The following ACSF2 variants were observed in gnomAD, a reference collection of about 807,000 sequenced individuals.
ACSF2 encodes acyl-CoA synthetase family member 2, also known as medium-chain acyl-CoA ligase ACSF2, mitochondrial.
ACSF2 carries 52 observed loss-of-function variants against 79.3 expected under a neutral mutation model. The ratio of observed to expected loss-of-function variants is 0.66; its 90% CI spans 0.53 to 0.83. ACSF2 has a LOEUF of 0.83. ACSF2 is among the 40% of genes least tolerant of loss of function. The pLI is 0.00. For synonymous variants in ACSF2, 283 were observed against 312.6 expected, an observed-to-expected ratio of 0.91 and a Z score of 1.00; for missense variants, 661 against 803.3, an observed-to-expected ratio of 0.82 and a Z score of 2.14.
chr17:50,468,305 G>C (rs767896249), intron 10 of ACSF2: 1 of 1,613,950 alleles, frequency 6.2e-7, no homozygotes, highest in South Asian at 1.1e-5. Flanking sequence ...CAGGTCCTTG[G>C]CTCCCTGGAA....
At chr17:50,452,519 G>A (rs1478829457) in intron 1 of ACSF2, among the ~76,000 whole-genome samples, 1 of 151,916 alleles carries the variant, frequency 6.6e-6, no homozygotes, top group Non-Finnish European at 1.5e-5. Flanking sequence ...TCGGGTCGAG[G>A]GGTGGGGCCG....
chr17:50,473,958 GGGA>G lies in ACSF2; in HGVS notation c.1687_1689del (p.Glu563del). On this transcript the variant is annotated inframe_deletion, in exon 14 of 16. Coordinates refer to ENST00000300441, the MANE Select transcript of ACSF2 (RefSeq NM_025149.6). ...TGTGCCTGCATTCGGCTGAAGGACG[GGGA>G]GGAGACCACGGTGGAGGAGATAAAA... 6.5e-7 allele frequency: 1 copy of G among 1,550,182 alleles called. No homozygotes were observed. The highest frequency in any genetic ancestry group is 8.7e-7 in the Non-Finnish European group (1 of 1,147,266).
In ACSF2 at chr17:50,465,590, G is replaced by A. The variant is rs1044555437; in HGVS notation, c.1215+1296G>A. Reference sequence around the variant, plus strand: ...AAATGGGGAAACTGAGGCTCCCAGGGTCCCATGCTTATTAGGTAGCAGATC... The same window carrying A: ...AAATGGGGAAACTGAGGCTCCCAGGATCCCATGCTTATTAGGTAGCAGATC... On this transcript the variant is annotated intron_variant, in intron 10 of 15. Transcript: ENST00000300441. 4 of 1,470,698 alleles carry A rather than the reference G, an allele frequency of 2.7e-6. No homozygotes were observed. The African/African-American group carries it at 5.6e-5, about 21-fold the overall frequency. 91.1% of individuals were successfully genotyped at this position (1,470,698 alleles called of 1,614,324 possible).
At position 50,472,523 on chromosome 17, in the gene ACSF2, G is replaced by A; in HGVS notation, c.1419G>A (p.Trp473Ter). 6.2e-7 allele frequency: 1 copy of A among 1,612,580 alleles called. No individual in the cohort carries two copies. The highest frequency in any genetic ancestry group is 8.5e-7 in the Non-Finnish European group (1 of 1,179,292). ...IRGYCVMLGY[W>*]GEPQKTEEAV... ...GGTACTGCGTCATGCTGGGCTACTG[G>A]GGTGAGCCTCAGAAGACAGAGGAAG... Residue 473 changes from tryptophan to a stop codon, truncating the protein, a stop_gained, in exon 12 of 16, where the codon TGG becomes TGA. Transcript: ENST00000300441. LOFTEE classifies it high-confidence loss of function.
At chr17:50,466,368 C>T (rs1317693398) in intron 10 of ACSF2, among the ~76,000 whole-genome samples, 1 of 152,138 alleles carries the variant, frequency 6.6e-6, no homozygotes, top group South Asian at 2.1e-4. Flanking sequence ...GGATTACAGG[C>T]GTGAGCCACC....
intron 1 of ACSF2, among the ~76,000 whole-genome samples, chr17:50,454,271 C>A (rs944128829): frequency 2.0e-5 from 3 of 151,168 alleles, no homozygotes; most frequent in Non-Finnish European, 4.4e-5. Flanking sequence ...CTTGGCCTTC[C>A]AAAGTGCTGG....
chr17:50,435,714 G>A (rs1448496100), intron 1 of ACSF2, among the ~76,000 whole-genome samples: 1 of 151,722 alleles, frequency 6.6e-6, no homozygotes, highest in Non-Finnish European at 1.5e-5. Flanking sequence ...ACTATGCCCA[G>A]CCCATATAGC....
chr17:50,457,426 G>A (rs28590506), intron 1 of ACSF2, among the ~76,000 whole-genome samples: 36,728 of 152,210 alleles, frequency 0.24, 4,982 homozygotes, highest in Middle Eastern at 0.31. Flanking sequence ...TTCATCACTA[G>A]TGGGATGGGA....
intron 1 of ACSF2, among the ~76,000 whole-genome samples, chr17:50,432,471 AG>A (rs771067956): frequency 1.3e-5 from 2 of 152,180 alleles, no homozygotes; most frequent in Non-Finnish European, 2.9e-5. Flanking sequence ...ACCTAAGCAA[AG>A]GTGGGGCTGC....
At chr17:50,453,860 A>G (rs2031826628) in intron 1 of ACSF2, among the ~76,000 whole-genome samples, 1 of 151,500 alleles carries the variant, frequency 6.6e-6, no homozygotes. Flanking sequence ...GGTGTAATCA[A>G]CCTTGAACTA....
chr17:50,463,232 G>C lies in ACSF2; in HGVS notation c.869G>C (p.Arg290Pro). ...AACAACTCCAACATTTTAGGAGAGC[G>C]CCTGAAACTGCATGAGAAGGTGAGG... ...IVNNSNILGERLKLHEKTPEQ... is the reference protein window; with the variant it reads ...IVNNSNILGEPLKLHEKTPEQ... Residue 290 changes from arginine (R) to proline (P), a missense_variant, in exon 7 of 16, where the codon CGC becomes CCC. Coordinates refer to ENST00000300441, the MANE Select transcript of ACSF2 (RefSeq NM_025149.6). The surrounding 1 kb of genome is among the most constrained non-coding windows in gnomAD (Gnocchi z 4.6). The C allele has an allele frequency of 6.2e-7, 1 of 1,614,102 alleles. No homozygotes were observed. Among genetic ancestry groups the C allele is most frequent in the Non-Finnish European group, 8.5e-7 (1 of 1,180,022 alleles).
intron 1 of ACSF2, among the ~76,000 whole-genome samples, chr17:50,456,588 C>T (rs574628883): frequency 3.3e-5 from 5 of 152,018 alleles, no homozygotes; most frequent in East Asian, 3.9e-4. Flanking sequence ...CAAAATTAGC[C>T]GGGCGTGGTG....
At chr17:50,439,365 G>A (rs899950563) in intron 1 of ACSF2, among the ~76,000 whole-genome samples, 7 of 150,828 alleles carry the variant, frequency 4.6e-5, no homozygotes, top group Admixed American at 3.3e-4. Context: ...ATGAGCCACC[G>A]TGTCCAGCAT....
intron 1 of ACSF2, chr17:50,426,793 C>T (rs1915037217): frequency 1.7e-6 from 2 of 1,165,198 alleles, no homozygotes; most frequent in Non-Finnish European, 1.2e-6. Context: ...GCCCCAGTCT[C>T]CCCGACCCAG....
In ACSF2 at chr17:50,470,803, C is replaced by T. The variant is rs1414742057; in HGVS notation, c.1216-225C>T. On this transcript the variant is annotated intron_variant, in intron 10 of 15. Coordinates refer to ENST00000300441, the MANE Select transcript of ACSF2 (RefSeq NM_025149.6). ...TGGAAGAGAATGGTGTCCCTGCTCT[C>T]AATTTTCTTTCAGATCTGGGGCCCT... The T allele has an allele frequency of 1.5e-5, 7 of 467,834 alleles. 1 individual carries two copies. In the South Asian group the frequency reaches 2.1e-4, roughly 14 times the overall value. The allele number at this position is 467,834 out of a possible 1,614,324, so 29.0% of individuals were successfully genotyped here. A position where few individuals can be genotyped will look rare whatever the true frequency, so the allele number is the denominator to read the frequency against.
intron 10 of ACSF2, chr17:50,468,105 T>A (rs966950019): frequency 6.2e-7 from 1 of 1,613,696 alleles, no homozygotes; most frequent in Non-Finnish European, 8.5e-7. Context: ...TGGAAGGCAT[T>A]GTCCGGGATG....
chr17:50,461,230 C>A lies in ACSF2; in HGVS notation c.325-12C>A. 1 of 1,614,188 alleles carries A rather than the reference C, an allele frequency of 6.2e-7. No individual in the cohort carries two copies. Among genetic ancestry groups the A allele is most frequent in the Non-Finnish European group, 8.5e-7 (1 of 1,180,010 alleles). On this transcript the variant is annotated splice_polypyrimidine_tract_variant and intron_variant, in intron 2 of 15. Transcript: ENST00000300441. ...CCCCCTTTCACCCCTTGCGCCCCAT[C>A]TTTTACACTAGGTGGACAAAGCTGC...
At position 50,463,605 on chromosome 17, in the gene ACSF2, C is replaced by T; in HGVS notation, c.1046+53C>T. The T allele has an allele frequency of 1.3e-6, 2 of 1,591,366 alleles. No individual in the cohort carries two copies. Among genetic ancestry groups the T allele is most frequent in the Non-Finnish European group, 1.7e-6 (2 of 1,167,176 alleles). ...GGGCTGATAAAACCCTCTTCTTCCT[C>T]ACTCCTGGGCCCTGACACCTTTCCA... On this transcript the variant is annotated intron_variant, in intron 8 of 15. Coordinates refer to ENST00000300441, the MANE Select transcript of ACSF2 (RefSeq NM_025149.6). This position sits in a 1 kb window ranked among gnomAD's most constrained non-coding sequence, Gnocchi z 4.6.
intron 6 of ACSF2, 67 bp downstream of exon 6, chr17:50,462,652 G>A (rs572396858): frequency 5.6e-5 from 87 of 1,552,148 alleles, no homozygotes; most frequent in African/African-American, 2.6e-4. Flanking sequence ...TGACACTTCC[G>A]CGGGGATGGG....
Sources: allele counts gnomAD v4.1 joint callset (sites outside exome capture counted in the v4.1 genomes callset), GRCh38; gene constraint gnomAD v4.1.1; non-coding constraint Gnocchi (gnomAD v3.1); transcripts MANE v1.5; gene names NCBI Gene and HGNC (gene_info 2026-07-23, HGNC 2026-07-21).